ASH1L: variants seen among roughly 807,000 people sequenced by gnomAD.
The protein encoded by ASH1L is ASH1 like histone lysine methyltransferase, also known as histone-lysine N-methyltransferase ASH1L.
ASH1L carries 23 observed loss-of-function variants against 269.0 expected under a neutral mutation model. The observed-to-expected ratio is 0.09, with a 90% CI of 0.06 to 0.12. ASH1L has a LOEUF of 0.12. Among genes scored for constraint, ASH1L ranks in the 10% least tolerant of loss-of-function variants. The pLI, the probability that ASH1L is intolerant of heterozygous loss-of-function variation, is 1.00. For synonymous variants in ASH1L, 1,187 were observed against 1,253.5 expected (o/e 0.95, Z 1.12); for missense variants, 2,912 against 3,567.8 (o/e 0.82, Z 4.68).
At chr1:155,461,506 T>C (rs943128338) in intron 3 of ASH1L, among the ~76,000 whole-genome samples, 3 of 152,204 alleles carry the variant, frequency 2.0e-5, no homozygotes, top group Non-Finnish European at 2.9e-5. Flanking sequence ...AGATACAAGA[T>C]GGATTTTTAT....
intron 3 of ASH1L, among the ~76,000 whole-genome samples, chr1:155,476,574 T>C (rs1003533327): frequency 1.3e-5 from 2 of 151,340 alleles, no homozygotes; most frequent in South Asian, 4.2e-4. Flanking sequence ...TTTTTTAAGA[T>C]GGAGTCTCGC....
rs774545309 is a variant in ASH1L at position 155,343,983 on chromosome 1, G to T, written c.7981+200C>A. Among the ~76,000 whole-genome samples the T allele has an allele frequency of 6.6e-6, 1 of 152,194 alleles. No individual in the cohort carries two copies. Among genetic ancestry groups the T allele is most frequent in the Non-Finnish European group, 1.5e-5 (1 of 68,036 alleles). ...TTTTCCCAGTCTTAAAATTAGCTTT[G>T]TAACATGTCTATCATTTCAAATTAG... is the stretch of plus-strand genomic sequence containing the variant. On this transcript the variant is annotated intron_variant, in intron 22 of 27. Coordinates refer to ENST00000392403, the MANE Select transcript of ASH1L (RefSeq NM_018489.3). This position sits in a 1 kb window ranked among gnomAD's most constrained non-coding sequence, Gnocchi z 6.1.
Position 155,340,946 on chromosome 1 carries a change from C to A in ASH1L, c.8460+990G>T, listed in dbSNP as rs1315767658. Among the ~76,000 whole-genome samples, 6 of 151,956 alleles carry A rather than the reference C, an allele frequency of 3.9e-5. No homozygotes were observed. In the South Asian group the frequency reaches 1.2e-3, roughly 32 times the overall value. On this transcript the variant is annotated intron_variant, in intron 25 of 27. Coordinates refer to ENST00000392403, the MANE Select transcript of ASH1L (RefSeq NM_018489.3). ...CACCATGATGTTTATACAATAAACACCACCACCACAAATTTTGTTTTGTTG... is the reference window on the plus strand; with the variant it reads ...CACCATGATGTTTATACAATAAACAACACCACCACAAATTTTGTTTTGTTG...
chr1:155,341,905 C>T, intron 25 of ASH1L, 31 bp downstream of exon 25: 1 of 1,610,204 alleles, frequency 6.2e-7, no homozygotes, highest in Non-Finnish European at 8.5e-7. Flanking sequence ...ATTGTCCTAA[C>T]ATGTAGTGTT....
intron 2 of ASH1L, among the ~76,000 whole-genome samples, chr1:155,506,244 A>G (rs2148807140): frequency 6.6e-6 from 1 of 152,294 alleles, no homozygotes; most frequent in African/African-American, 2.4e-5. Flanking sequence ...AATACAAAGG[A>G]AAAAAATCCA....
intron 15 of ASH1L, 111 bp downstream of exon 15, chr1:155,357,205 G>T: frequency 2.8e-6 from 2 of 713,294 alleles, no homozygotes; most frequent in Non-Finnish European, 4.5e-6. Context: ...TGAACCCTTT[G>T]GCTTAAGACA....
chr1:155,344,603 C>A, intron 21 of ASH1L: 1 of 189,392 alleles, frequency 5.3e-6, no homozygotes, highest in Admixed American at 5.8e-5. Context: ...TGCCCAGGGT[C>A]CAAGGAAGCC....
intron 1 of ASH1L, among the ~76,000 whole-genome samples, chr1:155,542,140 T>C (rs1467642226): frequency 6.7e-6 from 1 of 148,626 alleles, no homozygotes; most frequent in African/African-American, 2.4e-5. Context: ...GATAGGAATG[T>C]AGGATTGTGT....
intron 7 of ASH1L, among the ~76,000 whole-genome samples, chr1:155,384,798 T>A (rs1349008318): frequency 6.6e-6 from 1 of 152,204 alleles, no homozygotes; most frequent in African/African-American, 2.4e-5. Context: ...ATACAGAGAT[T>A]TCTGTCTCCT....
At chr1:155,548,813 T>G (rs1671002811) in intron 1 of ASH1L, among the ~76,000 whole-genome samples, 1 of 152,198 alleles carries the variant, frequency 6.6e-6, no homozygotes, top group Non-Finnish European at 1.5e-5. Flanking sequence ...GCTGCTCAGC[T>G]CCCAAGTTTA....
intron 1 of ASH1L, among the ~76,000 whole-genome samples, chr1:155,523,634 G>C (rs1394367969): frequency 6.6e-6 from 1 of 152,160 alleles, no homozygotes; most frequent in East Asian, 1.9e-4. Flanking sequence ...ACCTTGCGGG[G>C]GCCAAGGCAG....
intron 21 of ASH1L, among the ~76,000 whole-genome samples, chr1:155,345,471 C>T (rs1653200425): frequency 1.3e-5 from 2 of 151,770 alleles, no homozygotes; most frequent in East Asian, 2.0e-4. Flanking sequence ...CCGTGAGCCA[C>T]TGCGCCCGGC....
At chr1:155,420,907 G>T (rs1284175065) in intron 5 of ASH1L, among the ~76,000 whole-genome samples, 1 of 150,662 alleles carries the variant, frequency 6.6e-6, no homozygotes, top group Non-Finnish European at 1.5e-5. Flanking sequence ...CCATGTCCAT[G>T]GATGTCCATG....
In ASH1L at chr1:155,562,614, G is replaced by T. The variant is rs1310161740; in HGVS notation, c.-561C>A. On this transcript the variant is annotated 5_prime_UTR_variant, in exon 1 of 28. Transcript: ENST00000392403. ...CGCGCACGCCCGCCCGCACGCGTAC[G>T]AGTGTCTACGGGCTCGTCGCTGGCT... The T allele has an allele frequency of 3.3e-6, 5 of 1,527,502 alleles. No homozygotes were observed. The highest frequency in any genetic ancestry group is 4.4e-6 in the Non-Finnish European group (5 of 1,141,458). The allele number at this position is 1,527,502 out of a possible 1,614,324, so 94.6% of individuals were successfully genotyped here. A position where few individuals can be genotyped will look rare whatever the true frequency, so the allele number is the denominator to read the frequency against.
intron 5 of ASH1L, among the ~76,000 whole-genome samples, chr1:155,426,394 G>A (rs1280449105): frequency 2.0e-5 from 3 of 151,942 alleles, no homozygotes; most frequent in Non-Finnish European, 2.9e-5. Context: ...GTAGAGACGG[G>A]GTTTCACCGT....
At chr1:155,473,492 A>T (rs112397742) in intron 3 of ASH1L, among the ~76,000 whole-genome samples, 1,999 of 127,638 alleles carry the variant, frequency 0.016, 49 homozygotes, top group African/African-American at 0.053. Flanking sequence ...TAGTATTTCT[A>T]TTTTTTTTTT....
At chr1:155,493,413 A>C (rs1371419291) in intron 2 of ASH1L, among the ~76,000 whole-genome samples, 1 of 152,238 alleles carries the variant, frequency 6.6e-6, no homozygotes, top group Non-Finnish European at 1.5e-5. Flanking sequence ...ATAAATCCTA[A>C]ACATGTGCTG....
intron 1 of ASH1L, 87 bp downstream of exon 1, chr1:155,562,066 G>A: frequency 2.2e-6 from 2 of 904,856 alleles, no homozygotes; most frequent in Non-Finnish European, 3.4e-6. Flanking sequence ...CCAGGTCCGG[G>A]AGATGACAGT....
At chr1:155,388,235 G>A (rs1657602084) in intron 7 of ASH1L, among the ~76,000 whole-genome samples, 1 of 152,156 alleles carries the variant, frequency 6.6e-6, no homozygotes, top group African/African-American at 2.4e-5. Context: ...TTAAGACTAT[G>A]TCTTATATAG....
Sources: gnomAD v4.1 joint callset for allele counts (sites outside exome capture counted in the v4.1 genomes callset) on GRCh38, gnomAD v4.1.1 for gene constraint, Gnocchi (gnomAD v3.1) non-coding constraint, MANE v1.5 for transcripts, NCBI Gene and HGNC (gene_info 2026-07-23, HGNC 2026-07-21) for gene names.